The following CENPF variants were observed in gnomAD, a reference collection of about 807,000 sequenced individuals.
CENPF encodes the protein centromere protein F, also known as AH antigen.
Under a neutral mutation model 307.3 loss-of-function variants are expected in CENPF, and 214 were observed. That is an observed-to-expected ratio of 0.70 (90% CI 0.62 to 0.78). The LOEUF is 0.78. CENPF is among the 30% of genes least tolerant of loss of function. The pLI, the probability that CENPF is intolerant of heterozygous loss-of-function variation, is 0.00. For missense variants in CENPF, 3,401 were observed against 3,483.9 expected (o/e 0.98, Z 0.60); for synonymous variants, 1,259 against 1,270.6 (o/e 0.99, Z 0.19).
chr1:214,658,086 G>T (rs444971), intron 18 of CENPF, among the ~76,000 whole-genome samples: 79,469 of 152,064 alleles, frequency 0.52, 21,465 homozygotes, highest in East Asian at 0.87. Flanking sequence ...CAAAACTGAT[G>T]CTTTGCCATT....
chr1:214,615,857 T>A (rs1657322257), intron 3 of CENPF, among the ~76,000 whole-genome samples: 1 of 152,118 alleles, frequency 6.6e-6, no homozygotes, highest in Non-Finnish European at 1.5e-5. Flanking sequence ...GAGAATCGCT[T>A]GAACCTGGGA....
chr1:214,658,132 C>T (rs1658691771), intron 18 of CENPF, among the ~76,000 whole-genome samples: 1 of 152,078 alleles, frequency 6.6e-6, no homozygotes, highest in Admixed American at 6.6e-5. Context: ...GTAACTCTAG[C>T]CCAAAAATAG....
chr1:214,640,668 A>T lies in CENPF; in HGVS notation c.2330A>T (p.Asn777Ile). The change falls in exon 12 of 20, where the codon AAT becomes ATT. Residue 777 changes from asparagine (N) to isoleucine (I), a missense_variant. Physicochemically the swap from Asn to Ile is moderately radical, Grantham distance 149 (BLOSUM62 -3). Coordinates refer to ENST00000366955, the MANE Select transcript of CENPF (RefSeq NM_016343.4). ...TCCAAAGATGCTTCTCTGGTGACAA[A>T]TGAAGATCATCAGAGAAGTCTTTTG... ...LKSKDASLVT[N>I]EDHQRSLLAF... The T allele has an allele frequency of 6.2e-7, 1 of 1,614,076 alleles. No homozygotes were observed. The highest frequency in any genetic ancestry group is 8.5e-7 in the Non-Finnish European group (1 of 1,180,010).
At chr1:214,634,363 A>G (rs1386960378) in intron 10 of CENPF, among the ~76,000 whole-genome samples, 1 of 152,190 alleles carries the variant, frequency 6.6e-6, no homozygotes, top group Non-Finnish European at 1.5e-5. Context: ...ATAACTGATG[A>G]ACCCAGTTAG....
chr1:214,614,831 G>C lies in CENPF; in HGVS notation c.163-1G>C. 6.4e-7 allele frequency: 1 copy of C among 1,565,406 alleles called. No individual in the cohort carries two copies. Among genetic ancestry groups the C allele is most frequent in the Non-Finnish European group, 8.6e-7 (1 of 1,157,480 alleles). On this transcript the variant is annotated splice_acceptor_variant, in intron 2 of 19. Transcript: ENST00000366955. LOFTEE classifies it high-confidence loss of function. The stretch of plus-strand genomic sequence containing the variant: ...ATTGTCTTCTGAACAATTCTCATTA[G>C]GTTGAAAATGAAAAAACCGAGGGTA...
In CENPF at chr1:214,640,536, A is replaced by C. The variant is rs1191866301; in HGVS notation, c.2198A>C (p.Glu733Ala). The C allele has an allele frequency of 6.2e-7, 1 of 1,614,178 alleles. No homozygotes were observed. The highest frequency in any genetic ancestry group is 2.2e-5 in the East Asian group (1 of 44,880). ...ACTTCTCAGCTTACTGGGCAAGTTG[A>C]AGATCTAGAACACAAGCTTCAGTTA... is the stretch of plus-strand genomic sequence containing the variant. ...LKTSQLTGQV[E>A]DLEHKLQLLS... The change falls in exon 12 of 20, where the codon GAA (glutamate) becomes GCA (alanine). Residue 733 changes from glutamate to alanine, a missense_variant. Glu to Ala is a moderately radical substitution (Grantham distance 107). Coordinates refer to ENST00000366955, the MANE Select transcript of CENPF (RefSeq NM_016343.4).
rs1262483482 is a variant in CENPF, at chr1:214,616,834, CCTCTTTCTTTCTTTCTTTCT to C, written c.360-1738_360-1719del. On this transcript the variant is annotated intron_variant, in intron 3 of 19. Coordinates refer to ENST00000366955, the MANE Select transcript of CENPF (RefSeq NM_016343.4). Reference sequence around the variant, plus strand: ...TCCTTCCTTCCTTCTTTCCTTCCTTCCTCTTTCTTTCTTTCTTTCTTTCTTTCTTTCTTTCTTTCTTTCTT... The same window carrying C: ...TCCTTCCTTCCTTCTTTCCTTCCTTCTTCTTTCTTTCTTTCTTTCTTTCTT... 3.3e-3 allele frequency among the ~76,000 whole-genome samples: 473 copies of C among 143,782 alleles called. 16 individuals carry two copies. The highest frequency in any genetic ancestry group is 0.012 in the African/African-American group (452 of 37,094). The allele number at this position is 143,782 out of a possible 152,430, so 94.3% of individuals were successfully genotyped here.
At position 214,652,945 on chromosome 1, in the gene CENPF, T is replaced by A. The variant is rs149025776; in HGVS notation, c.8278T>A (p.Leu2760Met). The stretch of plus-strand genomic sequence containing the variant: ...TAGTAAAGAAGAGCTCAATAATTCA[T>A]TGAAAGCTACTACTCAGATTTTGGA... ...KSSKEELNNS[L>M]KATTQILEEL... is the part of the protein sequence containing the mutation. The change falls in exon 16 of 20, where the codon TTG becomes ATG. Residue 2760 changes from leucine (L) to methionine (M), a missense_variant. Transcript: ENST00000366955. 126 of 1,607,104 alleles carry A rather than the reference T, an allele frequency of 7.8e-5. No homozygotes were observed. Among genetic ancestry groups the A allele is most frequent in the Admixed American group, 2.2e-4 (13 of 58,400 alleles).
At chr1:214,652,716 T>C in intron 15 of CENPF, 112 bp from the exon 16 acceptor site, 1 of 884,468 alleles carries the variant, frequency 1.1e-6, no homozygotes, top group African/African-American at 1.7e-5. Flanking sequence ...GTGCTGGGAT[T>C]ACAGGTGTGA....
chr1:214,641,256 C>T lies in CENPF; in HGVS notation c.2918C>T (p.Thr973Ile). ...AATAAAAGGGAAATTGAAGAGCTGA[C>T]CCAAGAGAATGGGACTCTTAAGGAA... is the stretch of plus-strand genomic sequence containing the variant. ...SLNKREIEEL[T>I]QENGTLKEIN... Residue 973 changes from threonine (T) to isoleucine (I), a missense_variant, in exon 12 of 20, where the codon ACC (threonine) becomes ATC (isoleucine). Transcript: ENST00000366955. 1 of 1,602,526 alleles carries T rather than the reference C, an allele frequency of 6.2e-7. No individual in the cohort carries two copies. The highest frequency in any genetic ancestry group is 1.1e-5 in the South Asian group (1 of 87,964).
chr1:214,606,792 C>T (rs1657045889), intron 1 of CENPF, among the ~76,000 whole-genome samples: 1 of 152,174 alleles, frequency 6.6e-6, no homozygotes, highest in African/African-American at 2.4e-5. Flanking sequence ...GCCCGTGACC[C>T]AGCTGATCCA....
intron 12 of CENPF, 139 bp from the exon 13 acceptor site, chr1:214,644,418 G>A (rs1658221383): frequency 5.3e-6 from 4 of 748,500 alleles, no homozygotes; most frequent in Admixed American, 3.2e-5. Flanking sequence ...AGAGAAAGAT[G>A]TAGTGGGAAA....
intron 13 of CENPF, 199 bp from the exon 14 acceptor site, chr1:214,648,476 C>A (rs1387208734): frequency 4.0e-6 from 3 of 742,454 alleles, no homozygotes; most frequent in African/African-American, 3.4e-5. Flanking sequence ...TCTATTAAAT[C>A]TTTTCTGGGA....
rs149532970 is a variant in CENPF, at chr1:214,656,348, T to C, written c.8486-585T>C. Reference sequence around the variant, plus strand: ...AACAGTGCTCAGGGTAGATTGGGGCTTCAGGGGATTTTTCTAATGGATTTA... The same window carrying C: ...AACAGTGCTCAGGGTAGATTGGGGCCTCAGGGGATTTTTCTAATGGATTTA... On this transcript the variant is annotated intron_variant, in intron 17 of 19. Transcript: ENST00000366955. 7.9e-5 allele frequency among the ~76,000 whole-genome samples: 12 copies of C among 152,246 alleles called. No individual in the cohort carries two copies. The East Asian group carries it at 2.3e-3, about 29-fold the overall frequency.
intron 1 of CENPF, chr1:214,608,959 C>T (rs544435963): frequency 7.1e-6 from 7 of 984,466 alleles, no homozygotes; most frequent in Non-Finnish European, 9.5e-6. Context: ...AGGGCGCCCC[C>T]CCAGCTACGG....
chr1:214,624,131 A>G (rs1571702754), intron 7 of CENPF, among the ~76,000 whole-genome samples: 1 of 152,124 alleles, frequency 6.6e-6, no homozygotes, highest in East Asian at 1.9e-4. Flanking sequence ...ATAAACCCTA[A>G]TTTCTTACAG....
intron 3 of CENPF, among the ~76,000 whole-genome samples, chr1:214,617,038 CTTCTTTTTCTTTTTCTTTTT>C (rs1341588286): frequency 1.5e-5 from 2 of 134,880 alleles, no homozygotes; most frequent in African/African-American, 5.5e-5. Context: ...TTCTTTCTTT[CTTCTTTTTCTTTTTCTTTTT>C]TTCTTTTTGA....
rs1658376155 is a variant in CENPF, at chr1:214,648,675, G to T, written c.7831G>T (p.Val2611Leu). 1.2e-6 allele frequency: 2 copies of T among 1,611,430 alleles called. No homozygotes were observed. The highest frequency in any genetic ancestry group is 1.7e-6 in the Non-Finnish European group (2 of 1,179,294). ...ATTCTAATGAAAGATGAAATTTCAG[G>T]TAAACAAAATGACTGCAAAGGAAAC... The part of the protein sequence containing the change: ...KMDKMSFVEK[V>L]NKMTAKETEL... The change falls in exon 14 of 20, where the codon GTA becomes TTA. Residue 2611 changes from valine (V) to leucine (L), a missense_variant and splice_region_variant. By Grantham distance (32) the Val-to-Leu change is conservative. Coordinates refer to ENST00000366955, the MANE Select transcript of CENPF (RefSeq NM_016343.4).
rs3795514 is a variant in CENPF at position 214,642,954 on chromosome 1, A to G, written c.4616A>G (p.Lys1539Arg). The G allele has an allele frequency of 0.044, 70,718 of 1,613,390 alleles. 2,406 individuals carry two copies. Among genetic ancestry groups the G allele is most frequent in the Admixed American group, 0.13 (7,581 of 59,868 alleles). ...CTGCAGGAGGAGAATCTGACCAGGA[A>G]AGAAACCCCTTCGGCCCCAGCGAAG... ...SSLQEENLTR[K>R]ETPSAPAKGV... Residue 1539 changes from lysine to arginine, a missense_variant, in exon 12 of 20, where the codon AAA becomes AGA. Coordinates refer to ENST00000366955, the MANE Select transcript of CENPF (RefSeq NM_016343.4).
Sources: allele counts gnomAD v4.1 joint callset (sites outside exome capture counted in the v4.1 genomes callset), GRCh38; gene constraint gnomAD v4.1.1; transcripts MANE v1.5; gene names NCBI Gene and HGNC (gene_info 2026-07-23, HGNC 2026-07-21).